The following ZNF454 variants were observed in gnomAD, a reference collection of about 807,000 sequenced individuals.
The protein encoded by ZNF454 is zinc finger protein 454.
Under a neutral mutation model 48.2 loss-of-function variants are expected in ZNF454, and 30 were observed. That is an observed-to-expected ratio of 0.62 (90% CI 0.47 to 0.84). ZNF454 has a LOEUF of 0.84. ZNF454 is among the 40% of genes least tolerant of loss of function. The pLI, the probability that ZNF454 is intolerant of heterozygous loss-of-function variation, is 0.00. For synonymous variants in ZNF454, 204 were observed against 211.4 expected, an observed-to-expected ratio of 0.97 and a Z score of 0.30; for missense variants, 510 against 623.1, an observed-to-expected ratio of 0.82 and a Z score of 1.93.
chr5:178,958,483 A>G (rs1202975635), intron 4 of ZNF454, among the ~76,000 whole-genome samples: 1 of 152,180 alleles, frequency 6.6e-6, no homozygotes, highest in East Asian at 1.9e-4. Flanking sequence ...TTATTTGTAC[A>G]TTTTACTGTT....
chr5:178,963,772 G>C (rs1009805734), intron 4 of ZNF454, among the ~76,000 whole-genome samples: 7 of 151,672 alleles, frequency 4.6e-5, no homozygotes, highest in African/African-American at 1.7e-4. Context: ...GCAATAGGAG[G>C]TCCTTATTTT....
chr5:178,955,629 T>C (rs1759717881), intron 4 of ZNF454, among the ~76,000 whole-genome samples: 1 of 152,238 alleles, frequency 6.6e-6, no homozygotes, highest in Admixed American at 6.5e-5. Context: ...GATATTAGTC[T>C]ATAGTTTCCT....
intron 4 of ZNF454, among the ~76,000 whole-genome samples, chr5:178,958,944 G>T (rs1759887059): frequency 6.6e-6 from 1 of 151,702 alleles, no homozygotes; most frequent in African/African-American, 2.4e-5. Context: ...TGCAAATATT[G>T]TTTCCCACTC....
At position 178,944,658 on chromosome 5, in the gene ZNF454, T is replaced by C. The variant is rs542446508; in HGVS notation, c.34-1701T>C. ...AAAGATATGGAGGTGTTCCCCCAAA[T>C]GCAAAGGCAAAGACACAGCTAGATG... is the stretch of plus-strand genomic sequence containing the variant. On this transcript the variant is annotated intron_variant, in intron 2 of 4. Coordinates refer to ENST00000519564, the MANE Select transcript of ZNF454 (RefSeq NM_001178089.3). The surrounding 1 kb of genome is among the most constrained non-coding windows in gnomAD (Gnocchi z 4.1). Among the ~76,000 whole-genome samples the C allele has an allele frequency of 1.2e-3, 178 of 152,312 alleles. 1 individual carries two copies. Among genetic ancestry groups the C allele is most frequent in the African/African-American group, 4.2e-3 (173 of 41,580 alleles).
At position 178,965,483 on chromosome 5, in the gene ZNF454, A is replaced by C; in HGVS notation, c.1079A>C (p.Glu360Ala). The C allele has an allele frequency of 6.2e-7, 1 of 1,614,116 alleles. No homozygotes were observed. The highest frequency in any genetic ancestry group is 8.5e-7 in the Non-Finnish European group (1 of 1,179,994). ...GGAGAGAAACCCTTTGAATGTAATG[A>C]ATGTGGGAAGGCCTTCAGGGTGAAC... The part of the protein sequence containing the change: ...HTGEKPFECN[E>A]CGKAFRVNSS... Residue 360 changes from glutamate to alanine, a missense_variant, in exon 5 of 5, where the codon GAA becomes GCA. Transcript: ENST00000519564. This position sits in a 1 kb window ranked among gnomAD's most constrained non-coding sequence, Gnocchi z 5.2.
downstream of ZNF454, chr5:178,968,908 A>G (rs1230808504): frequency 2.2e-6 from 1 of 456,296 alleles, no homozygotes; most frequent in African/African-American, 2.0e-5. Context: ...CGTCAGCGGC[A>G]TTAAGTGCAG....
chr5:178,942,716 C>A lies in ZNF454; in HGVS notation c.-76C>A. 6.5e-7 allele frequency: 1 copy of A among 1,544,448 alleles called. No homozygotes were observed. Among genetic ancestry groups the A allele is most frequent in the Non-Finnish European group, 8.9e-7 (1 of 1,117,676 alleles). On this transcript the variant is annotated 5_prime_UTR_variant, in exon 2 of 5. Coordinates refer to ENST00000519564, the MANE Select transcript of ZNF454 (RefSeq NM_001178089.3). ...TGTGGACCCTTCTAGCCTGAGGAGTCCTGCAGGTGTGAAGCTCCACACCTG... is the reference window on the plus strand; with the variant it reads ...TGTGGACCCTTCTAGCCTGAGGAGTACTGCAGGTGTGAAGCTCCACACCTG...
At chr5:178,986,622 G>A in the ZNF454 span, 358 of 1,603,266 alleles carry the variant, frequency 2.2e-4, 2 homozygotes, top group South Asian at 1.1e-3. Context: ...AGCGGTACCC[G>A]TCACAGGCCT....
chr5:178,983,217 A>G, the ZNF454 span: 2 of 1,610,758 alleles, frequency 1.2e-6, no homozygotes, highest in Admixed American at 3.3e-5. Context: ...TATCATCCCC[A>G]CCACCTGCAG....
intron 4 of ZNF454, among the ~76,000 whole-genome samples, chr5:178,952,718 A>G (rs1759608371): frequency 6.6e-6 from 1 of 151,020 alleles, no homozygotes. Flanking sequence ...GTATTTGTTG[A>G]ATAAGTTAAT....
intron 4 of ZNF454, among the ~76,000 whole-genome samples, chr5:178,956,424 G>C (rs900332629): frequency 6.6e-6 from 1 of 151,274 alleles, no homozygotes; most frequent in Non-Finnish European, 1.5e-5. Context: ...GGGTAAGTGG[G>C]GCTTCAGTCT....
chr5:178,986,682 C>G, the ZNF454 span: 4 of 1,603,714 alleles, frequency 2.5e-6, no homozygotes, highest in East Asian at 6.7e-5. Context: ...TCCGCTCCCC[C>G]GGCCCGCAGG....
chr5:178,960,906 G>A lies in ZNF454; in HGVS notation c.251-3749G>A, dbSNP rs968385483. 1.4e-5 allele frequency among the ~76,000 whole-genome samples: 2 copies of A among 147,258 alleles called. 1 individual carries two copies. The highest frequency in any genetic ancestry group is 4.9e-5 in the African/African-American group (2 of 40,430). On this transcript the variant is annotated intron_variant, in intron 4 of 4. Coordinates refer to ENST00000519564, the MANE Select transcript of ZNF454 (RefSeq NM_001178089.3). ...TCTTTTCTAAATGATACTCAGTTAT[G>A]TTTTATTTGTTCATCCAGTCTCACA...
At chr5:178,969,107 G>C (rs1294311887), downstream of ZNF454, among the ~76,000 whole-genome samples, 1 of 152,102 alleles carries the variant, frequency 6.6e-6, no homozygotes, top group Non-Finnish European at 1.5e-5. Context: ...ACTAGTACTT[G>C]GCCAGGCAGT....
At chr5:178,976,932 C>T in the ZNF454 span, among the ~76,000 whole-genome samples, 1 of 152,142 alleles carries the variant, frequency 6.6e-6, no homozygotes, top group African/African-American at 2.4e-5. Flanking sequence ...TGTATCAGTG[C>T]ACAGTGCCTG....
At chr5:178,978,063 G>A in the ZNF454 span, among the ~76,000 whole-genome samples, 2 of 152,280 alleles carry the variant, frequency 1.3e-5, no homozygotes, top group South Asian at 4.1e-4. Flanking sequence ...CAAGCTACTT[G>A]TAATAAGCAT....
chr5:178,943,291 T>C (rs988615566), intron 2 of ZNF454, among the ~76,000 whole-genome samples: 9 of 151,940 alleles, frequency 5.9e-5, no homozygotes, highest in African/African-American at 2.2e-4. Flanking sequence ...TGGCAGAAGG[T>C]GAAGGGGGAG....
At chr5:178,981,318 C>A in the ZNF454 span, 1 of 287,860 alleles carries the variant, frequency 3.5e-6, no homozygotes, top group Non-Finnish European at 6.7e-6. The surrounding 1 kb of genome is among the most constrained non-coding windows in gnomAD (Gnocchi z 5.1). Flanking sequence ...GGAAATCTCC[C>A]GCAAACCAGG....
At position 178,941,790 on chromosome 5, in the gene ZNF454, G is replaced by T. The variant is rs1759099935; in HGVS notation, c.-108+346G>T. On this transcript the variant is annotated intron_variant, in intron 1 of 4. Coordinates refer to ENST00000519564, the MANE Select transcript of ZNF454 (RefSeq NM_001178089.3). This position sits in a 1 kb window ranked among gnomAD's most constrained non-coding sequence, Gnocchi z 5.5. ...CTCCCGCCCAGCTCACACAAACGCCGCTTCTGCCCACCCGTGACTCCAGGC... is the reference window on the plus strand; with the variant it reads ...CTCCCGCCCAGCTCACACAAACGCCTCTTCTGCCCACCCGTGACTCCAGGC... Among the ~76,000 whole-genome samples, 1 of 152,064 alleles carries T rather than the reference G, an allele frequency of 6.6e-6. No individual in the cohort carries two copies. Among genetic ancestry groups the T allele is most frequent in the East Asian group, 1.9e-4 (1 of 5,164 alleles).
Sources: gnomAD v4.1 joint callset for allele counts (sites outside exome capture counted in the v4.1 genomes callset) on GRCh38, gnomAD v4.1.1 for gene constraint, Gnocchi (gnomAD v3.1) non-coding constraint, MANE v1.5 for transcripts, NCBI Gene and HGNC (gene_info 2026-07-23, HGNC 2026-07-21) for gene names.